The following NOX5 variants were observed in gnomAD, a reference collection of about 807,000 sequenced individuals.
NOX5 encodes NADPH oxidase, EF-hand calcium binding domain 5.
A neutral mutation model predicts 85.7 loss-of-function variants in NOX5; 76 were observed. The ratio of observed to expected loss-of-function variants is 0.89; its 90% CI spans 0.74 to 1.07. The LOEUF is 1.07. Ranked by LOEUF, NOX5 falls within the 50% of genes least tolerant of loss-of-function variation. The pLI is 0.00. For synonymous variants in NOX5, 405 were observed against 401.4 expected, an observed-to-expected ratio of 1.01 and a Z score of -0.11; for missense variants, 973 against 999.5, an observed-to-expected ratio of 0.97 and a Z score of 0.36.
intron 1 of NOX5, among the ~76,000 whole-genome samples, chr15:69,021,349 CTTTT>C (rs59303957): frequency 1.5e-5 from 2 of 134,060 alleles, no homozygotes; most frequent in African/African-American, 2.7e-5. Flanking sequence ...CTTTTGAATT[CTTTT>C]TTTTTTTTTT....
In NOX5 at chr15:69,049,436, C is replaced by A. The variant is rs142550667; in HGVS notation, c.1999+378C>A. ...GAGTCTTTTTAAGAGGTGTTTATTCCATTTCTGGAGAAGTAGGATGGGGGG... is the reference window on the plus strand; with the variant it reads ...GAGTCTTTTTAAGAGGTGTTTATTCAATTTCTGGAGAAGTAGGATGGGGGG... On this transcript the variant is annotated intron_variant, in intron 14 of 15. Coordinates refer to ENST00000388866, the MANE Select transcript of NOX5 (RefSeq NM_024505.4). Among the ~76,000 whole-genome samples, 6 of 151,766 alleles carry A rather than the reference C, an allele frequency of 4.0e-5. No individual in the cohort carries two copies. The East Asian group carries it at 9.7e-4, about 25-fold the overall frequency.
rs143384375 is a variant in NOX5 at position 69,047,828 on chromosome 15, A to T, written c.1818-2A>T. The T allele has an allele frequency of 6.6e-5, 107 of 1,613,898 alleles. No individual in the cohort carries two copies. In the African/African-American group the frequency reaches 1.2e-3, roughly 18 times the overall value. ...CAACCCCTTCCTCCTGCCTCCCCTC[A>T]GGCACCAGAAAAGAAAGCATACTTG... is the stretch of plus-strand genomic sequence containing the variant. On this transcript the variant is annotated splice_acceptor_variant, in intron 12 of 15. Coordinates refer to ENST00000388866, the MANE Select transcript of NOX5 (RefSeq NM_024505.4). LOFTEE classifies it high-confidence loss of function.
chr15:69,049,101 G>A (rs751871251), intron 14 of NOX5, 43 bp downstream of exon 14: 1 of 1,315,400 alleles, frequency 7.6e-7, no homozygotes, highest in Non-Finnish European at 1.1e-6. Context: ...AGTAGGGCAG[G>A]GGCCTTCAGC....
chr15:69,022,162 G>A (rs1474490402), intron 1 of NOX5: 1 of 159,176 alleles, frequency 6.3e-6, no homozygotes, highest in Non-Finnish European at 1.5e-5. Flanking sequence ...ATTAAGCAGA[G>A]TGAGTAAATA....
rs2050497355 is a variant in NOX5 at position 69,035,312 on chromosome 15, A to G, written c.856-42A>G. ...TGGCTGGGAAAAGAGGACAAGGCAG[A>G]CAGAGAGTGAGGCAGGGCTCTCTCC... is the stretch of plus-strand genomic sequence containing the variant. On this transcript the variant is annotated intron_variant, in intron 5 of 15. Transcript: ENST00000388866. 6 of 1,602,294 alleles carry G rather than the reference A, an allele frequency of 3.7e-6. No homozygotes were observed. In the East Asian group the frequency reaches 1.1e-4, roughly 30 times the overall value.
rs892256586 is a variant in NOX5, at chr15:69,031,255, T to C, written c.326-263T>C. The C allele has an allele frequency of 1.3e-5, 7 of 525,176 alleles. No homozygotes were observed. In the Admixed American group the frequency reaches 1.4e-4, roughly 10 times the overall value. The allele number at this position is 525,176 out of a possible 1,614,324, so 32.5% of individuals were successfully genotyped here. On this transcript the variant is annotated intron_variant, in intron 3 of 15. Coordinates refer to ENST00000388866, the MANE Select transcript of NOX5 (RefSeq NM_024505.4). ...GCCCCTTATAGATTAAGTAAGCAGG[T>C]GTATTTTCTGGGCAGATAGTCTTGG...
intron 14 of NOX5, among the ~76,000 whole-genome samples, chr15:69,052,802 C>G (rs1194700383): frequency 6.6e-6 from 1 of 152,182 alleles, no homozygotes; most frequent in Non-Finnish European, 1.5e-5. Flanking sequence ...ATAACAATTA[C>G]AGCAAATATT....
chr15:69,022,855 C>G (rs184986598), intron 1 of NOX5: 57 of 365,104 alleles, frequency 1.6e-4, no homozygotes, highest in Middle Eastern at 1.2e-3. Context: ...GATGAGCCCA[C>G]AACTGGACTG....
intron 1 of NOX5, among the ~76,000 whole-genome samples, chr15:69,021,033 G>A (rs2050289741): frequency 6.6e-6 from 1 of 151,546 alleles, no homozygotes; most frequent in African/African-American, 2.4e-5. Flanking sequence ...AACTAATTAG[G>A]TTCTAACTAA....
chr15:69,050,881 G>A (rs993555435), intron 14 of NOX5, among the ~76,000 whole-genome samples: 4 of 152,108 alleles, frequency 2.6e-5, no homozygotes, highest in Non-Finnish European at 4.4e-5. Context: ...CGCTATATAC[G>A]GCAAAGCCTC....
At position 69,045,536 on chromosome 15, in the gene NOX5, TTTTCTTTC is replaced by T. The variant is rs11389610; in HGVS notation, c.1648-1259_1648-1252del. ...CTTTCTTTCTTTCTCTTCCTTTCTT[TTTTCTTTC>T]TTTCTTTCTTTCTTTCTTTCTTTCT... On this transcript the variant is annotated intron_variant, in intron 10 of 15. Transcript: ENST00000388866. Among the ~76,000 whole-genome samples, 297 of 94,558 alleles carry T rather than the reference TTTTCTTTC, an allele frequency of 3.1e-3. 6 individuals carry two copies. The highest frequency in any genetic ancestry group is 0.014 in the African/African-American group (285 of 19,982). The allele number at this position is 94,558 out of a possible 152,430, so 62.0% of individuals were successfully genotyped here. A position where few individuals can be genotyped will look rare whatever the true frequency, so the allele number is the denominator to read the frequency against.
At chr15:69,051,954 C>T (rs2140281058) in intron 14 of NOX5, among the ~76,000 whole-genome samples, 1 of 152,124 alleles carries the variant, frequency 6.6e-6, no homozygotes, top group Non-Finnish European at 1.5e-5. Flanking sequence ...TGGCTCACGC[C>T]TGTAATCTCA....
intron 9 of NOX5, among the ~76,000 whole-genome samples, chr15:69,039,742 C>T (rs886078799): frequency 6.6e-6 from 1 of 152,176 alleles, no homozygotes; most frequent in African/African-American, 2.4e-5. Context: ...TTTGGGTTCC[C>T]AGCACACACA....
chr15:69,056,497 T>C, intron 15 of NOX5, 68 bp from the exon 16 acceptor site: 1 of 1,582,604 alleles, frequency 6.3e-7, no homozygotes, highest in Admixed American at 1.8e-5. Context: ...TCCAGGTGGT[T>C]GTGTCACTGG....
intron 1 of NOX5, among the ~76,000 whole-genome samples, chr15:69,021,302 C>A (rs1015444302): frequency 1.3e-5 from 2 of 151,994 alleles, no homozygotes; most frequent in Non-Finnish European, 2.9e-5. Flanking sequence ...AACAAGCTGG[C>A]CCTGACATTA....
chr15:69,017,112 C>T (rs948505298), intron 1 of NOX5, among the ~76,000 whole-genome samples: 11 of 151,960 alleles, frequency 7.2e-5, no homozygotes, highest in Non-Finnish European at 2.9e-5. Flanking sequence ...TCCATAACCC[C>T]TTATTTTAAC....
intron 13 of NOX5, 80 bp downstream of exon 13, chr15:69,047,991 C>T: frequency 1.5e-6 from 2 of 1,290,336 alleles, no homozygotes; most frequent in Non-Finnish European, 2.2e-6. Context: ...TCCTCCTGTG[C>T]AAAGGTGGGA....
chr15:69,035,785 C>T lies in NOX5; in HGVS notation c.1037C>T (p.Pro346Leu). 1 of 1,614,208 alleles carries T rather than the reference C, an allele frequency of 6.2e-7. No individual in the cohort carries two copies. The highest frequency in any genetic ancestry group is 8.5e-7 in the Non-Finnish European group (1 of 1,180,042). The change falls in exon 7 of 16, where the codon CCT (proline) becomes CTT (leucine). Residue 346 changes from proline (P) to leucine (L), a missense_variant. Coordinates refer to ENST00000388866, the MANE Select transcript of NOX5 (RefSeq NM_024505.4). The stretch of plus-strand genomic sequence containing the variant: ...CTCCAGGCTCAGGCGGAGGCCAGCC[C>T]TTTCCAGTTCTGGGAGCTGCTGCTC... ...FVLQAQAEASPFQFWELLLTT... is the reference protein window; with the variant it reads ...FVLQAQAEASLFQFWELLLTT...
intron 1 of NOX5, chr15:69,022,971 A>G: frequency 1.9e-6 from 1 of 512,900 alleles, no homozygotes; most frequent in Non-Finnish European, 4.0e-6. Flanking sequence ...TTCCATCTTC[A>G]AGTTGTTTGA....
Sources: allele counts gnomAD v4.1 joint callset (sites outside exome capture counted in the v4.1 genomes callset), GRCh38; gene constraint gnomAD v4.1.1; transcripts MANE v1.5; gene names NCBI Gene and HGNC (gene_info 2026-07-23, HGNC 2026-07-21).